Variants in COL22A1 observed in about 807,000 individuals in gnomAD.
COL22A1 encodes the protein collagen type XXII alpha 1 chain.
A neutral mutation model predicts 248.9 loss-of-function variants in COL22A1; 221 were observed. That is an observed-to-expected ratio of 0.89 (90% CI 0.80 to 0.99). The LOEUF is 0.99. Ranked by LOEUF, COL22A1 falls within the 50% of genes least tolerant of loss-of-function variation. The probability of loss-of-function intolerance (pLI) is 0.00; values close to 1 mark genes in which losing one functional copy is unlikely to be tolerated. For synonymous variants in COL22A1, 891 were observed against 793.4 expected, an observed-to-expected ratio of 1.12 and a Z score of -2.07; for missense variants, 2,240 against 2,179.0, an observed-to-expected ratio of 1.03 and a Z score of -0.56.
At chr8:138,601,272 G>A (rs1161919815) in intron 60 of COL22A1, among the ~76,000 whole-genome samples, 1 of 152,128 alleles carries the variant, frequency 6.6e-6, no homozygotes, top group Non-Finnish European at 1.5e-5. Context: ...AAAGTCATGG[G>A]AAGGAGACAG....
intron 5 of COL22A1, among the ~76,000 whole-genome samples, chr8:138,828,930 A>G (rs1475353174): frequency 1.3e-5 from 2 of 152,084 alleles, no homozygotes; most frequent in African/African-American, 2.4e-5. Context: ...GGGGAGCCCA[A>G]TCCTGCCCTG....
intron 22 of COL22A1, among the ~76,000 whole-genome samples, chr8:138,749,059 C>G (rs1000412970): frequency 6.6e-6 from 1 of 152,186 alleles, no homozygotes; most frequent in Admixed American, 6.5e-5. Flanking sequence ...CTCATTCTCT[C>G]CTTGCCTGCT....
intron 12 of COL22A1, among the ~76,000 whole-genome samples, chr8:138,791,119 T>C (rs1341572376): frequency 6.6e-6 from 1 of 152,228 alleles, no homozygotes; most frequent in East Asian, 1.9e-4. Flanking sequence ...AATGATGTCT[T>C]TCACCTGCAA....
chr8:138,608,304 C>T (rs1026461633), intron 56 of COL22A1, among the ~76,000 whole-genome samples: 2 of 152,174 alleles, frequency 1.3e-5, no homozygotes, highest in Admixed American at 1.3e-4. Context: ...ATCTATTCAT[C>T]CATCCATTCA....
chr8:138,798,980 C>T (rs976601191), intron 11 of COL22A1, among the ~76,000 whole-genome samples: 1 of 152,158 alleles, frequency 6.6e-6, no homozygotes, highest in African/African-American at 2.4e-5. Flanking sequence ...CAGATTCATG[C>T]ACTTTATGAA....
At chr8:138,637,115 G>A (rs1821249564) in intron 47 of COL22A1, among the ~76,000 whole-genome samples, 1 of 152,122 alleles carries the variant, frequency 6.6e-6, no homozygotes, top group South Asian at 2.1e-4. Flanking sequence ...TGTAGGCACT[G>A]GAAACCATTA....
chr8:138,614,670 T>C (rs987241697), intron 55 of COL22A1, among the ~76,000 whole-genome samples: 4 of 151,180 alleles, frequency 2.6e-5, no homozygotes, highest in Non-Finnish European at 4.4e-5. Context: ...GGGGAGGGGA[T>C]GGACTGTATC....
intron 60 of COL22A1, among the ~76,000 whole-genome samples, chr8:138,599,993 G>A (rs1015865859): frequency 6.6e-6 from 1 of 152,154 alleles, no homozygotes; most frequent in South Asian, 2.1e-4. Context: ...CAACAGAGGT[G>A]TCTCCCTCCC....
chr8:138,629,505 A>C (rs1422930738), intron 50 of COL22A1, among the ~76,000 whole-genome samples: 1 of 152,182 alleles, frequency 6.6e-6, no homozygotes, highest in African/African-American at 2.4e-5. Context: ...GGCGGCTTCA[A>C]AAGGATTAAC....
At chr8:138,799,861 A>G (rs1816853195) in intron 11 of COL22A1, among the ~76,000 whole-genome samples, 1 of 152,118 alleles carries the variant, frequency 6.6e-6, no homozygotes, top group African/African-American at 2.4e-5. Context: ...CAGTCTTCTT[A>G]GTGGTGTTTT....
intron 47 of COL22A1, among the ~76,000 whole-genome samples, chr8:138,643,609 TATAGATAGATAG>T (rs57015617): frequency 6.8e-6 from 1 of 146,528 alleles, no homozygotes; most frequent in African/African-American, 2.6e-5. Flanking sequence ...CCCTATGCAA[TATAGATAGATAG>T]ATAGATAGAT....
intron 12 of COL22A1, among the ~76,000 whole-genome samples, chr8:138,781,806 G>T (rs142073550): frequency 9.9e-5 from 15 of 152,170 alleles, no homozygotes. Context: ...CCAGCTCTCC[G>T]TCAGTGTCTG....
At chr8:138,642,778 CG>C (rs952910742) in intron 47 of COL22A1, among the ~76,000 whole-genome samples, 4 of 152,250 alleles carry the variant, frequency 2.6e-5, no homozygotes, top group Non-Finnish European at 4.4e-5. Flanking sequence ...TGCCTGTAAT[CG>C]CAGCACTTTG....
At chr8:138,805,669 CTG>C (rs1817514659) in intron 10 of COL22A1, among the ~76,000 whole-genome samples, 2 of 87,622 alleles carry the variant, frequency 2.3e-5, no homozygotes, top group Non-Finnish European at 4.6e-5. Flanking sequence ...TGGTGTGTGT[CTG>C]TGTGTGATGG....
chr8:138,771,892 C>T (rs975526217), intron 16 of COL22A1, among the ~76,000 whole-genome samples: 14 of 152,196 alleles, frequency 9.2e-5, no homozygotes, highest in Non-Finnish European at 8.8e-5. Context: ...GACTGCACCG[C>T]GCCTCAGGAG....
At chr8:138,612,313 T>C (rs775009405) in intron 56 of COL22A1, among the ~76,000 whole-genome samples, 1 of 152,110 alleles carries the variant, frequency 6.6e-6, no homozygotes, top group Non-Finnish European at 1.5e-5. Context: ...AATGGGATAA[T>C]TTATGCTTTT....
chr8:138,690,609 C>T (rs563440452), intron 36 of COL22A1, among the ~76,000 whole-genome samples: 1 of 152,146 alleles, frequency 6.6e-6, no homozygotes, highest in South Asian at 2.1e-4. Flanking sequence ...CCAACAGCTG[C>T]GTTTACCCTC....
intron 7 of COL22A1, among the ~76,000 whole-genome samples, chr8:138,816,144 G>A (rs1240994173): frequency 3.9e-5 from 6 of 152,152 alleles, no homozygotes; most frequent in African/African-American, 1.4e-4. Flanking sequence ...GGGACTGCCT[G>A]GCAAGGCCGC....
At chr8:138,637,005 T>C (rs2132035786) in intron 47 of COL22A1, among the ~76,000 whole-genome samples, 1 of 151,652 alleles carries the variant, frequency 6.6e-6, no homozygotes. Flanking sequence ...GGATTTGGGG[T>C]ATGGGGTTGG....
Sources: gnomAD v4.1 joint callset for allele counts (sites outside exome capture counted in the v4.1 genomes callset) on GRCh38, gnomAD v4.1.1 for gene constraint, MANE v1.5 for transcripts, NCBI Gene and HGNC (gene_info 2026-07-23, HGNC 2026-07-21) for gene names.